The following PRMT8 variants were observed in gnomAD, a reference collection of about 807,000 sequenced individuals.
PRMT8 encodes protein arginine N-methyltransferase 8.
A neutral mutation model predicts 47.1 loss-of-function variants in PRMT8; 7 were observed. The ratio of observed to expected loss-of-function variants is 0.15; its 90% CI spans 0.08 to 0.28. The LOEUF (loss-of-function observed/expected upper bound fraction) is 0.28. Among genes scored for constraint, PRMT8 ranks in the 10% least tolerant of loss-of-function variants. The probability of loss-of-function intolerance (pLI) is 1.00; values close to 1 mark genes in which losing one functional copy is unlikely to be tolerated. For missense variants in PRMT8, 237 were observed against 505.4 expected (o/e 0.47, Z 5.09); for synonymous variants, 188 against 186.5 (o/e 1.01, Z -0.07).
chr12:3,549,724 C>A (rs1257637867), intron 2 of PRMT8, among the ~76,000 whole-genome samples: 1 of 152,176 alleles, frequency 6.6e-6, no homozygotes, highest in Non-Finnish European at 1.5e-5. Flanking sequence ...GAATAGCTAT[C>A]TTTCTGAGTA....
At chr12:3,424,255 G>A (rs754154706) in intron 1 of PRMT8, among the ~76,000 whole-genome samples, 8 of 152,104 alleles carry the variant, frequency 5.3e-5, no homozygotes, top group Admixed American at 2.0e-4. Flanking sequence ...TTTTTCCAGC[G>A]AGGATTAAGG....
intron 1 of PRMT8, among the ~76,000 whole-genome samples, chr12:3,511,834 A>T (rs776850047): frequency 8.5e-5 from 13 of 152,210 alleles, no homozygotes; most frequent in Non-Finnish European, 4.4e-5. Context: ...CAAAGATTTG[A>T]GTTTCAAATC....
intron 1 of PRMT8, among the ~76,000 whole-genome samples, chr12:3,421,549 A>T (rs1442735218): frequency 6.6e-6 from 1 of 152,124 alleles, no homozygotes; most frequent in African/African-American, 2.4e-5. Context: ...GGCCACATAT[A>T]AAAGACACGG....
At chr12:3,522,616 T>C (rs1865896330) in intron 1 of PRMT8, among the ~76,000 whole-genome samples, 1 of 147,234 alleles carries the variant, frequency 6.8e-6, no homozygotes, top group African/African-American at 2.5e-5. Flanking sequence ...TGAGCAGAGA[T>C]TGCACCACTG....
intron 1 of PRMT8, among the ~76,000 whole-genome samples, chr12:3,531,021 T>C (rs1209587278): frequency 1.3e-5 from 2 of 152,200 alleles, no homozygotes; most frequent in African/African-American, 4.8e-5. Flanking sequence ...CGGTGCTGTT[T>C]CTGGCTGTGT....
intron 1 of PRMT8, among the ~76,000 whole-genome samples, chr12:3,389,962 G>A (rs1864176775): frequency 6.6e-6 from 1 of 152,248 alleles, no homozygotes; most frequent in Non-Finnish European, 1.5e-5. Context: ...TCCGCTGCAG[G>A]CCCTTAGGAG....
chr12:3,540,613 G>GCCCCCCCCGCCCC lies in PRMT8; in HGVS notation c.90_91insCGCCCCCCCCCCC (p.Ser31ArgfsTer15). The GCCCCCCCCGCCCC allele has an allele frequency of 8.8e-7, 1 of 1,130,522 alleles. No homozygotes were observed. The highest frequency in any genetic ancestry group is 1.3e-6 in the Non-Finnish European group (1 of 752,492). The allele number at this position is 1,130,522 out of a possible 1,614,324, so 70.0% of individuals were successfully genotyped here. ...CCCTTCTCTTCCCCTCAGGTGAACA[G>GCCCCCCCCGCCCC]CCCCCCCTCCCAGCCCCCCCAGCCC... On this transcript the variant is annotated frameshift_variant, in exon 2 of 10. Transcript: ENST00000382622. LOFTEE classifies it high-confidence loss of function.
chr12:3,565,014 C>T (rs890035783), intron 4 of PRMT8, among the ~76,000 whole-genome samples: 1 of 152,192 alleles, frequency 6.6e-6, no homozygotes, highest in Non-Finnish European at 1.5e-5. Context: ...CATGGTGATT[C>T]AGCTGGACAG....
chr12:3,531,028 G>C (rs1005471394), intron 1 of PRMT8, among the ~76,000 whole-genome samples: 1 of 152,224 alleles, frequency 6.6e-6, no homozygotes, highest in African/African-American at 2.4e-5. Context: ...GTTTCTGGCT[G>C]TGTGCCTACG....
chr12:3,418,256 G>A (rs972375573), intron 1 of PRMT8, among the ~76,000 whole-genome samples: 1 of 152,196 alleles, frequency 6.6e-6, no homozygotes, highest in African/African-American at 2.4e-5. Context: ...CACCTTGAAA[G>A]CCTCTTCAGC....
Position 3,570,396 on chromosome 12 carries a change from G to A in PRMT8, c.712+832G>A, listed in dbSNP as rs2137209124. 1.3e-5 allele frequency among the ~76,000 whole-genome samples: 2 copies of A among 152,290 alleles called. No homozygotes were observed. Among genetic ancestry groups the A allele is most frequent in the South Asian group, 4.2e-4 (2 of 4,816 alleles). ...AACCAGAACCAAATACAACAAAGGA[G>A]CAAAGAACCCCTCAAACAGGCAAAC... On this transcript the variant is annotated intron_variant, in intron 6 of 9. Coordinates refer to ENST00000382622, the MANE Select transcript of PRMT8 (RefSeq NM_019854.5). This position sits in a 1 kb window ranked among gnomAD's most constrained non-coding sequence, Gnocchi z 5.5.
chr12:3,539,552 C>G (rs553080078), intron 1 of PRMT8, among the ~76,000 whole-genome samples: 19 of 152,200 alleles, frequency 1.2e-4, no homozygotes, highest in African/African-American at 4.1e-4. Flanking sequence ...TTTACTGTGC[C>G]TTGTACATCT....
chr12:3,565,693 A>G (rs1342300305), intron 4 of PRMT8, among the ~76,000 whole-genome samples: 1 of 152,214 alleles, frequency 6.6e-6, no homozygotes, highest in Non-Finnish European at 1.5e-5. Flanking sequence ...TCTGTCTTCT[A>G]TATCGTCTGT....
rs1408822006 is a variant in PRMT8, at chr12:3,580,364, G to GTA, written c.829-2693_829-2692insAT. Among the ~76,000 whole-genome samples the GTA allele has an allele frequency of 6.6e-6, 1 of 151,652 alleles. No individual in the cohort carries two copies. The highest frequency in any genetic ancestry group is 2.4e-5 in the African/African-American group (1 of 41,162). On this transcript the variant is annotated intron_variant, in intron 7 of 9. Transcript: ENST00000382622. The surrounding 1 kb of genome is among the most constrained non-coding windows in gnomAD (Gnocchi z 4.6). ...TGTGTGTGTGTGTGTGTGTGTGTGTGTGTACGCGTGCGCATGCGGGATAGA... is the reference window on the plus strand; with the variant it reads ...TGTGTGTGTGTGTGTGTGTGTGTGTGTATGTACGCGTGCGCATGCGGGATAGA...
intron 1 of PRMT8, among the ~76,000 whole-genome samples, chr12:3,440,985 G>A (rs1032525979): frequency 1.1e-4 from 17 of 152,182 alleles, no homozygotes; most frequent in East Asian, 3.9e-4. Context: ...TGCCAATTGC[G>A]CCCTTGTGAG....
At chr12:3,443,764 G>A (rs1864828933) in intron 1 of PRMT8, among the ~76,000 whole-genome samples, 1 of 152,200 alleles carries the variant, frequency 6.6e-6, no homozygotes, top group Non-Finnish European at 1.5e-5. Context: ...CCTAGAGGCT[G>A]CACAGGCCTG....
At chr12:3,485,490 A>T (rs1467498710) in intron 1 of PRMT8, among the ~76,000 whole-genome samples, 1 of 152,236 alleles carries the variant, frequency 6.6e-6, no homozygotes, top group African/African-American at 2.4e-5. Context: ...GCTTCTGTTC[A>T]TAAGGGTATA....
intron 1 of PRMT8, among the ~76,000 whole-genome samples, chr12:3,435,561 A>G (rs190258636): frequency 3.2e-4 from 41 of 127,524 alleles, no homozygotes; most frequent in African/African-American, 1.1e-3. Context: ...TCCCTTTGTC[A>G]CCCAGGCTGG....
chr12:3,406,031 A>T (rs1168409320), intron 1 of PRMT8, among the ~76,000 whole-genome samples: 1 of 152,242 alleles, frequency 6.6e-6, no homozygotes, highest in Non-Finnish European at 1.5e-5. Context: ...CTGCCTGGAC[A>T]TTCAGGATTT....
Sources: allele counts gnomAD v4.1 joint callset (sites outside exome capture counted in the v4.1 genomes callset), GRCh38; gene constraint gnomAD v4.1.1; non-coding constraint Gnocchi (gnomAD v3.1); transcripts MANE v1.5; gene names NCBI Gene and HGNC (gene_info 2026-07-23, HGNC 2026-07-21).